RNGTT: variants seen among roughly 807,000 people sequenced by gnomAD.
RNGTT encodes the protein mRNA-capping enzyme.
In RNGTT, 33 loss-of-function variants were observed where a neutral mutation model predicts 79.3. The observed-to-expected ratio is 0.42, with a 90% CI of 0.32 to 0.56. RNGTT has a LOEUF of 0.56. Among genes scored for constraint, RNGTT ranks in the 20% least tolerant of loss-of-function variants. RNGTT has a pLI of 0.17. For synonymous variants in RNGTT, 222 were observed against 235.9 expected (o/e 0.94, Z 0.54); for missense variants, 497 against 739.1 (o/e 0.67, Z 3.80).
intron 13 of RNGTT, among the ~76,000 whole-genome samples, chr6:88,757,112 A>G (rs560440127): frequency 7.9e-5 from 12 of 152,320 alleles, no homozygotes; most frequent in Non-Finnish European, 1.6e-4. Context: ...CTATAAATGT[A>G]TATCAGTTAC....
intron 13 of RNGTT, among the ~76,000 whole-genome samples, chr6:88,742,839 C>T (rs897525997): frequency 3.9e-5 from 6 of 152,014 alleles, no homozygotes; most frequent in East Asian, 1.9e-4. Context: ...AATTATAGTT[C>T]GGAAGAAAAA....
At chr6:88,704,258 T>TAA (rs1776046345) in intron 13 of RNGTT, among the ~76,000 whole-genome samples, 3 of 14,238 alleles carry the variant, frequency 2.1e-4, no homozygotes, top group Non-Finnish European at 3.3e-4. Flanking sequence ...AGACTCTGTC[T>TAA]CAAAAAAAAA....
At chr6:88,825,577 T>A (rs1464427448) in intron 11 of RNGTT, among the ~76,000 whole-genome samples, 1 of 152,236 alleles carries the variant, frequency 6.6e-6, no homozygotes, top group African/African-American at 2.4e-5. Context: ...TGTGTATATG[T>A]TTGACATACA....
At chr6:88,639,078 T>A (rs2127772398) in intron 14 of RNGTT, among the ~76,000 whole-genome samples, 1 of 152,300 alleles carries the variant, frequency 6.6e-6, no homozygotes, top group African/African-American at 2.4e-5. Flanking sequence ...GTCACTTTAC[T>A]ACAGCAAATA....
At chr6:88,772,158 AAC>A (rs1329617823) in intron 12 of RNGTT, among the ~76,000 whole-genome samples, 1 of 152,056 alleles carries the variant, frequency 6.6e-6, no homozygotes, top group Non-Finnish European at 1.5e-5. Flanking sequence ...CAGCCTGAGC[AAC>A]AGAGTGAAAC....
chr6:88,631,542 G>A (rs1772885872), intron 14 of RNGTT, among the ~76,000 whole-genome samples: 1 of 152,194 alleles, frequency 6.6e-6, no homozygotes, highest in African/African-American at 2.4e-5. Flanking sequence ...CTCTAGAGGT[G>A]TCCCTCCCTC....
rs557118196 is a variant in RNGTT at position 88,708,716 on chromosome 6, T to C, written c.1440-30297A>G. On this transcript the variant is annotated intron_variant, in intron 13 of 15. Transcript: ENST00000369485. ...AAGTAGCACTTTGGGGTTTGCAGAC[T>C]TTTTTCTGCCTTCTAAAAATGGCAT... Among the ~76,000 whole-genome samples, 4 of 152,296 alleles carry C rather than the reference T, an allele frequency of 2.6e-5. No individual in the cohort carries two copies. The South Asian group carries it at 8.3e-4, about 32-fold the overall frequency.
intron 10 of RNGTT, among the ~76,000 whole-genome samples, chr6:88,845,912 A>G (rs962916464): frequency 1.3e-5 from 2 of 152,214 alleles, no homozygotes; most frequent in Non-Finnish European, 2.9e-5. Flanking sequence ...TGAAAAATCT[A>G]AAACGTTAGG....
chr6:88,688,767 C>T (rs1775369919), intron 13 of RNGTT, among the ~76,000 whole-genome samples: 1 of 152,208 alleles, frequency 6.6e-6, no homozygotes, highest in Admixed American at 6.5e-5. Context: ...CGTAGGTCCA[C>T]TTATACGCAG....
intron 6 of RNGTT, among the ~76,000 whole-genome samples, chr6:88,902,349 T>C (rs1251040645): frequency 6.6e-6 from 1 of 152,142 alleles, no homozygotes; most frequent in Non-Finnish European, 1.5e-5. Context: ...CCTATAATCC[T>C]ACTACTTTGG....
chr6:88,735,024 G>A (rs541357772), intron 13 of RNGTT, among the ~76,000 whole-genome samples: 1 of 152,224 alleles, frequency 6.6e-6, no homozygotes, highest in East Asian at 1.9e-4. Flanking sequence ...AAGCTGAGGA[G>A]CATCTGTATT....
At chr6:88,890,772 C>A (rs1470648560) in intron 7 of RNGTT, among the ~76,000 whole-genome samples, 176 bp from the exon 8 acceptor site, 1 of 152,134 alleles carries the variant, frequency 6.6e-6, no homozygotes, top group Non-Finnish European at 1.5e-5. Flanking sequence ...TTATCATTTT[C>A]TTGACATTTT....
chr6:88,763,506 G>A (rs1051954783), intron 13 of RNGTT, among the ~76,000 whole-genome samples: 1 of 152,132 alleles, frequency 6.6e-6, no homozygotes, highest in Non-Finnish European at 1.5e-5. Context: ...ACATCCATGT[G>A]TAAGGACTCC....
intron 4 of RNGTT, among the ~76,000 whole-genome samples, chr6:88,928,320 C>A (rs897295571): frequency 2.6e-5 from 4 of 152,132 alleles, no homozygotes; most frequent in Non-Finnish European, 4.4e-5. Context: ...ACAACAACAA[C>A]AAACCTGAAA....
chr6:88,962,632 G>A (rs1371648157), intron 1 of RNGTT, among the ~76,000 whole-genome samples: 7 of 152,154 alleles, frequency 4.6e-5, no homozygotes, highest in African/African-American at 1.7e-4. Context: ...TTAGCCGGGT[G>A]TGGTGGCACG....
intron 8 of RNGTT, among the ~76,000 whole-genome samples, chr6:88,888,866 C>T (rs1287529133): frequency 6.6e-6 from 1 of 152,218 alleles, no homozygotes; most frequent in East Asian, 1.9e-4. Context: ...CCTGTCTCTA[C>T]TAAAAATACA....
intron 8 of RNGTT, among the ~76,000 whole-genome samples, chr6:88,858,379 A>G (rs1273298323): frequency 6.6e-6 from 1 of 152,180 alleles, no homozygotes; most frequent in Admixed American, 6.5e-5. Context: ...AGAAAACAAG[A>G]TATTAAATAA....
rs1781419002 is a variant in RNGTT at position 88,844,400 on chromosome 6, C to T, written c.1226G>A (p.Ser409Asn). 6.2e-7 allele frequency: 1 copy of T among 1,613,870 alleles called. No homozygotes were observed. Among genetic ancestry groups the T allele is most frequent in the Non-Finnish European group, 8.5e-7 (1 of 1,179,932 alleles). ...GLIDKTQEPF[S>N]VRNKPFFDIC... is the part of the protein sequence containing the mutation. ...GTCAAAAAACGGCTTATTTCTGACG[C>T]TAAATGGTTCCTGTGTTTTGTCAAT... The change falls in exon 11 of 16, where the codon AGC (serine) becomes AAC (asparagine). Residue 409 changes from serine to asparagine, a missense_variant. Physicochemically the swap from Ser to Asn is conservative, Grantham distance 46. Transcript: ENST00000369485.
intron 13 of RNGTT, among the ~76,000 whole-genome samples, chr6:88,747,235 A>G (rs1273509581): frequency 6.6e-6 from 1 of 152,228 alleles, no homozygotes; most frequent in African/African-American, 2.4e-5. Context: ...TCACATTCCC[A>G]TTTAATTATC....
Sources: gnomAD v4.1 joint callset for allele counts (sites outside exome capture counted in the v4.1 genomes callset) on GRCh38, gnomAD v4.1.1 for gene constraint, MANE v1.5 for transcripts, NCBI Gene and HGNC (gene_info 2026-07-23, HGNC 2026-07-21) for gene names.